The following SYNPR variants were observed in gnomAD, a reference collection of about 807,000 sequenced individuals.
SYNPR encodes synaptoporin.
In SYNPR, 23 loss-of-function variants were observed where a neutral mutation model predicts 32.9. The observed-to-expected ratio is 0.70, with a 90% CI of 0.50 to 0.99. The LOEUF is 0.99. SYNPR is among the 50% of genes least tolerant of loss of function. SYNPR has a pLI of 0.00. For missense variants in SYNPR, 318 were observed against 349.3 expected (o/e 0.91, Z 0.71); for synonymous variants, 146 against 135.9 (o/e 1.07, Z -0.52).
chr3:63,226,366 A>G (rs2086128335), upstream of SYNPR, among the ~76,000 whole-genome samples: 1 of 152,200 alleles, frequency 6.6e-6, no homozygotes, highest in Admixed American at 6.5e-5. Context: ...TATCCAAAGG[A>G]AAAGAAATCA....
At chr3:63,554,507 A>G (rs1484971700) in intron 3 of SYNPR, among the ~76,000 whole-genome samples, 1 of 152,194 alleles carries the variant, frequency 6.6e-6, no homozygotes, top group Non-Finnish European at 1.5e-5. Flanking sequence ...CTTGTCAAAG[A>G]TCAGACGGTT....
intron 4 of SYNPR, among the ~76,000 whole-genome samples, chr3:63,589,600 A>G (rs2106874186): frequency 6.6e-6 from 1 of 151,206 alleles, no homozygotes; most frequent in Non-Finnish European, 1.5e-5. Context: ...CAAAAAGCTT[A>G]TCCACCATGA....
At chr3:63,346,116 T>A (rs1442577630) in intron 2 of SYNPR, among the ~76,000 whole-genome samples, 1 of 152,128 alleles carries the variant, frequency 6.6e-6, no homozygotes, top group Non-Finnish European at 1.5e-5. Context: ...TGCCCAACCA[T>A]GGAACTATTT....
chr3:63,485,215 T>TA (rs1193549491), intron 3 of SYNPR, among the ~76,000 whole-genome samples: 8 of 151,716 alleles, frequency 5.3e-5, no homozygotes, highest in African/African-American at 1.2e-4. Context: ...CCTGTTCTTG[T>TA]AAAAAAATGA....
chr3:63,335,309 C>T (rs962390148), intron 2 of SYNPR, among the ~76,000 whole-genome samples: 5 of 146,732 alleles, frequency 3.4e-5, no homozygotes, highest in Admixed American at 6.9e-5. Context: ...GCCGAGACTG[C>T]GCCACTGCAC....
intron 4 of SYNPR, among the ~76,000 whole-genome samples, chr3:63,580,620 G>C (rs1054433647): frequency 6.6e-6 from 1 of 152,094 alleles, no homozygotes; most frequent in Non-Finnish European, 1.5e-5. Flanking sequence ...CAGTTAGTGA[G>C]TCTCTGGTTA....
chr3:63,547,787 G>A (rs577144463), intron 3 of SYNPR, among the ~76,000 whole-genome samples: 4 of 152,166 alleles, frequency 2.6e-5, no homozygotes, highest in East Asian at 3.9e-4. Flanking sequence ...GGGGTCATAC[G>A]GACTCCATTT....
intron 4 of SYNPR, among the ~76,000 whole-genome samples, chr3:63,583,009 A>AAGTC (rs1553649182): frequency 1.3e-5 from 2 of 151,740 alleles, no homozygotes; most frequent in Admixed American, 6.6e-5. Context: ...GTCCAAAAAG[A>AAGTC]AGTCAGCGAG....
At chr3:63,310,559 G>A (rs2086954170) in intron 2 of SYNPR, among the ~76,000 whole-genome samples, 1 of 151,892 alleles carries the variant, frequency 6.6e-6, no homozygotes, top group African/African-American at 2.4e-5. Flanking sequence ...TGCTGATGTT[G>A]TCAAGATGAC....
rs531622526 is a variant in SYNPR at position 63,419,318 on chromosome 3, G to A, written c.85-61514G>A. On this transcript the variant is annotated intron_variant, in intron 2 of 5. Transcript: ENST00000478300. ...TGCTATAGCCATCAAAACTGAACTA[G>A]GACCAGACAAACTCTAATATCCCTT... is the stretch of plus-strand genomic sequence containing the variant. Among the ~76,000 whole-genome samples, 13 of 152,180 alleles carry A rather than the reference G, an allele frequency of 8.5e-5. No individual in the cohort carries two copies. The South Asian group carries it at 2.1e-3, about 24-fold the overall frequency.
chr3:63,429,911 A>C (rs975369693), intron 2 of SYNPR, among the ~76,000 whole-genome samples: 4 of 152,242 alleles, frequency 2.6e-5, no homozygotes, highest in African/African-American at 9.6e-5. Context: ...CTGTCAACTT[A>C]GAAAAACCAA....
At chr3:63,245,680 T>A (rs996233590) in intron 1 of SYNPR, among the ~76,000 whole-genome samples, 4 of 123,372 alleles carry the variant, frequency 3.2e-5, no homozygotes, top group Admixed American at 1.7e-4. Flanking sequence ...CTTTGTCAAG[T>A]GAGAGAGAGA....
chr3:63,503,982 A>G (rs1701537214), intron 3 of SYNPR, among the ~76,000 whole-genome samples: 2 of 152,164 alleles, frequency 1.3e-5, no homozygotes, highest in African/African-American at 4.8e-5. Context: ...CCTACTTAGT[A>G]TTCCATATTA....
intron 1 of SYNPR, among the ~76,000 whole-genome samples, chr3:63,234,945 A>G (rs1270403694): frequency 4.6e-5 from 7 of 152,202 alleles, no homozygotes; most frequent in African/African-American, 1.7e-4. Context: ...CCAACAATAC[A>G]AAAAATCCTT....
intron 2 of SYNPR, among the ~76,000 whole-genome samples, chr3:63,413,056 T>G (rs960420433): frequency 1.3e-5 from 2 of 152,184 alleles, no homozygotes; most frequent in Admixed American, 6.6e-5. Flanking sequence ...GCACAACAAT[T>G]GAAAAATACA....
intron 2 of SYNPR, among the ~76,000 whole-genome samples, chr3:63,265,390 TACA>T (rs1443521876): frequency 6.6e-6 from 1 of 151,970 alleles, no homozygotes; most frequent in Admixed American, 6.6e-5. Flanking sequence ...TGGCTGACAT[TACA>T]GGCAACTGCC....
the SYNPR span, among the ~76,000 whole-genome samples, chr3:63,218,152 A>G: frequency 2.0e-5 from 3 of 152,198 alleles, no homozygotes; most frequent in Non-Finnish European, 4.4e-5. Context: ...TTAATAAATA[A>G]TAAAATAAAA....
At chr3:63,277,264 G>A (rs1011148063), upstream of SYNPR, among the ~76,000 whole-genome samples, 10 of 152,228 alleles carry the variant, frequency 6.6e-5, no homozygotes, top group Non-Finnish European at 1.2e-4. Flanking sequence ...ATTAACTTAT[G>A]GGGGTTTGTG....
the SYNPR span, among the ~76,000 whole-genome samples, chr3:63,204,443 C>T: frequency 4.9e-4 from 74 of 152,276 alleles, no homozygotes; most frequent in African/African-American, 1.6e-3. Context: ...TAAAGGCCCA[C>T]CCTACTCCAG....
Sources: gnomAD v4.1 joint callset for allele counts (sites outside exome capture counted in the v4.1 genomes callset) on GRCh38, gnomAD v4.1.1 for gene constraint, MANE v1.5 for transcripts, NCBI Gene and HGNC (gene_info 2026-07-23, HGNC 2026-07-21) for gene names.